The following EPHA5 variants were observed in gnomAD, a reference collection of about 807,000 sequenced individuals.
EPHA5 encodes EPH receptor A5, also known as ephrin type-A receptor 5.
A neutral mutation model predicts 105.0 loss-of-function variants in EPHA5; 60 were observed. The ratio of observed to expected loss-of-function variants is 0.57; its 90% CI spans 0.46 to 0.71. The LOEUF (loss-of-function observed/expected upper bound fraction) is 0.71, where lower values mean the gene tolerates loss of function less well. Ranked by LOEUF, EPHA5 falls within the 30% of genes least tolerant of loss-of-function variation. The probability of loss-of-function intolerance (pLI) is 0.00; values close to 1 mark genes in which losing one functional copy is unlikely to be tolerated. For synonymous variants in EPHA5, 513 were observed against 449.1 expected (o/e 1.14, Z -1.80); for missense variants, 1,218 against 1,274.7 (o/e 0.96, Z 0.68).
chr4:65,476,112 G>C (rs1729772601), intron 5 of EPHA5, among the ~76,000 whole-genome samples: 1 of 120,420 alleles, frequency 8.3e-6, no homozygotes, highest in African/African-American at 3.2e-5. Context: ...GAGAGAGAGA[G>C]AGAGAGAGAG....
chr4:65,503,941 A>ACG (rs1732748842), intron 3 of EPHA5, among the ~76,000 whole-genome samples: 1 of 151,386 alleles, frequency 6.6e-6, no homozygotes, highest in African/African-American at 2.4e-5. Flanking sequence ...ACACACACAC[A>ACG]CACATATATT....
chr4:65,357,502 A>G (rs1723416224), intron 11 of EPHA5, among the ~76,000 whole-genome samples: 1 of 151,550 alleles, frequency 6.6e-6, no homozygotes, highest in African/African-American at 2.4e-5. Context: ...GATCTAGTTC[A>G]GGAATTTACC....
At chr4:65,664,515 T>C (rs1749805677) in intron 1 of EPHA5, among the ~76,000 whole-genome samples, 1 of 151,972 alleles carries the variant, frequency 6.6e-6, no homozygotes, top group Non-Finnish European at 1.5e-5. Flanking sequence ...GGAATATCTG[T>C]ACCAATTACA....
intron 14 of EPHA5, among the ~76,000 whole-genome samples, chr4:65,339,214 A>T (rs796933278): frequency 9.2e-5 from 14 of 152,070 alleles, no homozygotes. Context: ...CTTCTATCAC[A>T]TAAGTGTCAT....
intron 3 of EPHA5, among the ~76,000 whole-genome samples, chr4:65,592,591 C>T (rs1432315754): frequency 6.6e-6 from 1 of 152,080 alleles, no homozygotes; most frequent in Non-Finnish European, 1.5e-5. Context: ...ACCTGATAAC[C>T]TCCTAATGGG....
chr4:65,449,661 C>T (rs1184741550), intron 5 of EPHA5, among the ~76,000 whole-genome samples: 7 of 152,072 alleles, frequency 4.6e-5, no homozygotes, highest in Admixed American at 3.9e-4. Context: ...TCCCATTACT[C>T]GTGAAGTTGA....
chr4:65,505,140 T>A (rs2043449660), intron 3 of EPHA5, among the ~76,000 whole-genome samples: 1 of 152,054 alleles, frequency 6.6e-6, no homozygotes, highest in African/African-American at 2.4e-5. Flanking sequence ...TGGAAAGAAG[T>A]ATTTCTGCTG....
chr4:65,368,983 G>A (rs910481600), intron 8 of EPHA5, among the ~76,000 whole-genome samples: 5 of 152,104 alleles, frequency 3.3e-5, no homozygotes, highest in African/African-American at 1.2e-4. Context: ...TCCCTTTGGA[G>A]CACAGTAGCT....
At chr4:65,427,095 C>T (rs58930111) in intron 5 of EPHA5, among the ~76,000 whole-genome samples, 4,839 of 150,742 alleles carry the variant, frequency 0.032, 262 homozygotes, top group African/African-American at 0.11. Flanking sequence ...AATATATATG[C>T]GAATATACCC....
At chr4:65,566,629 G>C (rs965574238) in intron 3 of EPHA5, among the ~76,000 whole-genome samples, 2 of 151,678 alleles carry the variant, frequency 1.3e-5, no homozygotes, top group Non-Finnish European at 3.0e-5. Flanking sequence ...CACAGTAGAG[G>C]CACTGAGCGT....
chr4:65,365,647 C>A (rs916567981), intron 10 of EPHA5, among the ~76,000 whole-genome samples: 1 of 49,552 alleles, frequency 2.0e-5, no homozygotes. Context: ...ATTACAAATT[C>A]ACTATATATA....
intron 11 of EPHA5, among the ~76,000 whole-genome samples, chr4:65,358,462 A>C (rs1190846749): frequency 6.6e-6 from 1 of 151,708 alleles, no homozygotes; most frequent in South Asian, 2.1e-4. Flanking sequence ...TAGTATACTT[A>C]TCTTTGCAGC....
intron 3 of EPHA5, among the ~76,000 whole-genome samples, chr4:65,519,781 C>T (rs1367968654): frequency 1.3e-5 from 2 of 152,064 alleles, no homozygotes; most frequent in African/African-American, 4.8e-5. Flanking sequence ...TTCACCATTG[C>T]TTCAAAGAGA....
At chr4:65,566,489 A>T (rs1739546984) in intron 3 of EPHA5, among the ~76,000 whole-genome samples, 1 of 151,766 alleles carries the variant, frequency 6.6e-6, no homozygotes, top group African/African-American at 2.4e-5. Context: ...CCATTTGCTA[A>T]ATCAATTTCA....
At chr4:65,551,000 TTATATA>T (rs80172072) in intron 3 of EPHA5, among the ~76,000 whole-genome samples, 1 of 151,052 alleles carries the variant, frequency 6.6e-6, no homozygotes, top group Admixed American at 6.6e-5. Flanking sequence ...TATTTGTGCA[TTATATA>T]TATATATGCA....
intron 1 of EPHA5, among the ~76,000 whole-genome samples, chr4:65,651,558 A>G (rs1417325876): frequency 1.3e-5 from 2 of 152,198 alleles, no homozygotes; most frequent in Admixed American, 6.5e-5. Context: ...ATGATTCCTA[A>G]AAGAGATGAC....
At chr4:65,351,640 C>T (rs773172533) in intron 12 of EPHA5, 42 bp from the exon 13 acceptor site, 2 of 1,569,164 alleles carry the variant, frequency 1.3e-6, no homozygotes, top group Non-Finnish European at 1.8e-6. Context: ...CAACACCAAT[C>T]ACTGGGGGAA....
intron 3 of EPHA5, among the ~76,000 whole-genome samples, chr4:65,529,548 C>G (rs893766806): frequency 6.6e-6 from 1 of 152,024 alleles, no homozygotes; most frequent in Non-Finnish European, 1.5e-5. Context: ...GAGGGAGAGA[C>G]AGAAAGACGG....
intron 3 of EPHA5, among the ~76,000 whole-genome samples, chr4:65,517,817 CAA>C (rs1734255067): frequency 6.6e-6 from 1 of 151,672 alleles, no homozygotes; most frequent in African/African-American, 2.4e-5. Context: ...TAGCCCTTTC[CAA>C]AAAAGTTTTT....
Sources: allele counts gnomAD v4.1 joint callset (sites outside exome capture counted in the v4.1 genomes callset), GRCh38; gene constraint gnomAD v4.1.1; transcripts MANE v1.5; gene names NCBI Gene and HGNC (gene_info 2026-07-23, HGNC 2026-07-21).